SYTL2: variants seen among roughly 807,000 people sequenced by gnomAD.
The protein encoded by SYTL2 is synaptotagmin-like protein 2.
SYTL2 carries 165 observed loss-of-function variants against 198.7 expected under a neutral mutation model. The observed-to-expected ratio is 0.83, with a 90% CI of 0.73 to 0.94. The LOEUF (loss-of-function observed/expected upper bound fraction) is 0.94, where lower values mean the gene tolerates loss of function less well. SYTL2 is among the 40% of genes least tolerant of loss of function. SYTL2 has a pLI of 0.00. For synonymous variants in SYTL2, 966 were observed against 917.7 expected (o/e 1.05, Z -0.95); for missense variants, 2,835 against 2,582.8 (o/e 1.10, Z -2.12).
At position 85,727,116 on chromosome 11, in the gene SYTL2, C is replaced by G. The variant is rs764889589; in HGVS notation, c.2242G>C (p.Glu748Gln). The G allele has an allele frequency of 5.9e-6, 9 of 1,535,908 alleles. No individual in the cohort carries two copies. In the East Asian group the frequency reaches 1.2e-4, roughly 21 times the overall value. Reference protein sequence around the residue: ...GNTYILKASLEPENIKSTPGV... With the variant: ...GNTYILKASLQPENIKSTPGV... ...GGTGTTGACTTAATATTCTCTGGCT[C>G]TAAGGAGGCTTTCAGGATATAGGTA... The change falls in exon 8 of 20, where the codon GAG becomes CAG. Residue 748 changes from glutamate (E) to glutamine (Q), a missense_variant. Transcript: ENST00000359152.
rs755912446 is a variant in SYTL2, at chr11:85,696,390, T to C, written c.6369-2A>G. The C allele has an allele frequency of 3.1e-6, 5 of 1,612,904 alleles. No individual in the cohort carries two copies. Among genetic ancestry groups the C allele is most frequent in the Non-Finnish European group, 4.2e-6 (5 of 1,178,954 alleles). On this transcript the variant is annotated splice_acceptor_variant, in intron 18 of 19. Transcript: ENST00000359152. LOFTEE classifies it high-confidence loss of function. ...CTACTTGTATCTGGAAGGATGGTAC[T>C]ACAAAAAGAGGCATGATTGTGGGAG...
At chr11:85,711,614 T>A (rs923160732) in intron 12 of SYTL2, among the ~76,000 whole-genome samples, 1 of 152,180 alleles carries the variant, frequency 6.6e-6, no homozygotes, top group Non-Finnish European at 1.5e-5. Flanking sequence ...ATAAAAAGAT[T>A]TACTGTTAAA....
rs2089250078 is a variant in SYTL2 at position 85,726,811 on chromosome 11, A to G, written c.2547T>C (p.Tyr849=). 1 of 1,536,180 alleles carries G rather than the reference A, an allele frequency of 6.5e-7. No homozygotes were observed. The highest frequency in any genetic ancestry group is 8.7e-7 in the Non-Finnish European group (1 of 1,146,926). The change falls in exon 8 of 20, where the codon TAT becomes TAC. Residue 849 remains tyrosine, a synonymous_variant. Coordinates refer to ENST00000359152, the MANE Select transcript of SYTL2 (RefSeq NM_206927.4). Reference sequence around the variant, plus strand: ...CCACTCGTTTGGGAATGGCCTGATTATATTCACTCTGGTCTGTAGATAAAC... The same window carrying G: ...CCACTCGTTTGGGAATGGCCTGATTGTATTCACTCTGGTCTGTAGATAAAC... ...MDSLSTDQSE[Y]NQAIPKRVVL...
intron 1 of SYTL2, among the ~76,000 whole-genome samples, chr11:85,790,621 G>A (rs538520841): frequency 6.6e-6 from 1 of 152,252 alleles, no homozygotes; most frequent in South Asian, 2.1e-4. Context: ...GTATTTCAAA[G>A]ACAGGCTCCC....
the SYTL2 span, among the ~76,000 whole-genome samples, chr11:85,821,167 T>G: frequency 6.6e-6 from 1 of 152,224 alleles, no homozygotes; most frequent in African/African-American, 2.4e-5. Flanking sequence ...ATGCACATCT[T>G]TTTTTATAGC....
At position 85,705,537 on chromosome 11, in the gene SYTL2, A is replaced by G. The variant is rs2623548; in HGVS notation, c.6019-509T>C. On this transcript the variant is annotated intron_variant, in intron 15 of 19. Transcript: ENST00000359152. The stretch of plus-strand genomic sequence containing the variant: ...ACCTCCCCCACTATCAACATCCCAC[A>G]CAGATGAGGTATTTAAAATAAATAA... Among the ~76,000 whole-genome samples the G allele has an allele frequency of 2.4e-3, 361 of 152,218 alleles. 10 individuals carry two copies. The East Asian group carries it at 0.058, about 25-fold the overall frequency.
At position 85,707,503 on chromosome 11, in the gene SYTL2, T is replaced by C. The variant is rs779028447; in HGVS notation, c.5944A>G (p.Lys1982Glu). The C allele has an allele frequency of 2.2e-5, 36 of 1,613,836 alleles. No individual in the cohort carries two copies. The highest frequency in any genetic ancestry group is 2.9e-5 in the Non-Finnish European group (34 of 1,179,812). ...GTTTTCTTCTTGCCCATTTTGCCTT[T>C]GTCTGGTAGCAAATAGGCCTTTACA... ...PYVKAYLLPD[K>E]GKMGKKKTLV... is the part of the protein sequence containing the mutation. Residue 1982 changes from lysine to glutamate, a missense_variant, in exon 15 of 20, where the codon AAA becomes GAA. Coordinates refer to ENST00000359152, the MANE Select transcript of SYTL2 (RefSeq NM_206927.4).
chr11:85,793,286 A>G (rs1422343087), intron 1 of SYTL2, among the ~76,000 whole-genome samples: 2 of 151,950 alleles, frequency 1.3e-5, no homozygotes. Context: ...CCTCTCCAGC[A>G]CCTGTTGTTT....
At position 85,737,649 on chromosome 11, in the gene SYTL2, C is replaced by A. The variant is rs772790788; in HGVS notation, c.397G>T (p.Val133Leu). ...ATCACACTGGAAGCTGGATTTACCA[C>A]ACTGGAACTGCAAAAGAAACAATAA... is the stretch of plus-strand genomic sequence containing the variant. Reference protein sequence around the residue: ...DAAPASPSSSVVNPASSVIDM... With the variant: ...DAAPASPSSSLVNPASSVIDM... The change falls in exon 5 of 20, where the codon GTG becomes TTG. Residue 133 changes from valine (V) to leucine (L), a missense_variant. By Grantham distance (32) the Val-to-Leu change is conservative. This residue lies in a region of SYTL2 where 2,645 missense variants were observed against 2,381.7 expected (regional missense o/e 1.11). Transcript: ENST00000359152. 1.9e-6 allele frequency: 3 copies of A among 1,613,056 alleles called. No homozygotes were observed. The highest frequency in any genetic ancestry group is 2.2e-5 in the East Asian group (1 of 44,876).
At chr11:85,787,619 A>C (rs2092656057) in intron 1 of SYTL2, among the ~76,000 whole-genome samples, 1 of 151,590 alleles carries the variant, frequency 6.6e-6, no homozygotes, top group Non-Finnish European at 1.5e-5. Context: ...CTCTCCCACT[A>C]CATCACTTCA....
the SYTL2 span, among the ~76,000 whole-genome samples, chr11:85,843,021 C>A: frequency 6.6e-6 from 1 of 152,208 alleles, no homozygotes; most frequent in African/African-American, 2.4e-5. Flanking sequence ...CCAATGGAAT[C>A]TGTCAATAGA....
intron 2 of SYTL2, among the ~76,000 whole-genome samples, chr11:85,748,954 G>C (rs1159944777): frequency 1.3e-5 from 2 of 152,108 alleles, no homozygotes; most frequent in African/African-American, 4.8e-5. Context: ...GAGTTTATTA[G>C]AGACTTTCCT....
chr11:85,725,036 T>C lies in SYTL2; in HGVS notation c.4322A>G (p.Asp1441Gly), dbSNP rs369760761. The C allele has an allele frequency of 2.5e-5, 40 of 1,614,050 alleles. No homozygotes were observed. The highest frequency in any genetic ancestry group is 3.3e-5 in the Admixed American group (2 of 60,004). Residue 1441 changes from aspartate to glycine, a missense_variant, in exon 8 of 20, where the codon GAT becomes GGT. Transcript: ENST00000359152. The stretch of plus-strand genomic sequence containing the variant: ...ATAAGATCCAACTTCATGAGTTTTA[T>C]CAGGAACTACATTGGAGGAATAAAA... ...KDFYSSNVVP[D>G]KTHEVGSYLA...
intron 1 of SYTL2, among the ~76,000 whole-genome samples, chr11:85,791,802 T>C (rs1343797412): frequency 1.3e-5 from 2 of 152,072 alleles, no homozygotes; most frequent in East Asian, 1.9e-4. Flanking sequence ...ATGTCTAAAC[T>C]TGGAGCCATA....
At chr11:85,717,793 G>A in intron 10 of SYTL2, 1 of 515,248 alleles carries the variant, frequency 1.9e-6, no homozygotes, top group South Asian at 1.6e-5. Context: ...TATGGAAAAT[G>A]GGAAGGAGCA....
chr11:85,813,563 G>A (rs181634852), upstream of SYTL2, among the ~76,000 whole-genome samples: 138 of 152,256 alleles, frequency 9.1e-4, no homozygotes, highest in African/African-American at 3.2e-3. Flanking sequence ...AAGAGGGTAG[G>A]GATAGCATGG....
chr11:85,712,476 C>T (rs553378962), intron 12 of SYTL2, among the ~76,000 whole-genome samples: 2 of 152,118 alleles, frequency 1.3e-5, no homozygotes, highest in Non-Finnish European at 2.9e-5. Flanking sequence ...TCAAAGGGAA[C>T]AGATGAGCAA....
rs1336041773 is a variant in SYTL2, at chr11:85,727,855, A to G, written c.1503T>C (p.Ser501=). ...CAGTGGCATATGGACCAGAACGTGA[A>G]GATGTCTTAGCTTTTAGAGCCGGGA... ...PPLPALKAKT[S]SRSGPYATEI... The change falls in exon 8 of 20, where the codon TCT becomes TCC. Residue 501 remains serine, a synonymous_variant. Coordinates refer to ENST00000359152, the MANE Select transcript of SYTL2 (RefSeq NM_206927.4). The G allele has an allele frequency of 1.1e-5, 18 of 1,612,350 alleles. 1 individual carries two copies. The highest frequency in any genetic ancestry group is 1.5e-5 in the Non-Finnish European group (18 of 1,179,470).
chr11:85,727,075 A>G lies in SYTL2; in HGVS notation c.2283T>C (p.Asn761=). ...NIKSTPGVAN[N]GSPWKKPEVQ... Reference sequence around the variant, plus strand: ...CCTCAGGCTTCTTCCAAGGAGAGCCATTGTTGGCAACCCCAGGTGTTGACT... The same window carrying G: ...CCTCAGGCTTCTTCCAAGGAGAGCCGTTGTTGGCAACCCCAGGTGTTGACT... The change falls in exon 8 of 20, where the codon AAT becomes AAC. Residue 761 remains asparagine (N), a synonymous_variant. Coordinates refer to ENST00000359152, the MANE Select transcript of SYTL2 (RefSeq NM_206927.4). The G allele has an allele frequency of 2.0e-6, 3 of 1,536,076 alleles. No individual in the cohort carries two copies. Among genetic ancestry groups the G allele is most frequent in the Non-Finnish European group, 2.6e-6 (3 of 1,146,884 alleles).
Sources: allele counts gnomAD v4.1 joint callset (sites outside exome capture counted in the v4.1 genomes callset), GRCh38; gene constraint gnomAD v4.1.1; regional missense constraint gnomAD v4.1.1; transcripts MANE v1.5; gene names NCBI Gene and HGNC (gene_info 2026-07-23, HGNC 2026-07-21).